FBXO11: variants seen among roughly 807,000 people sequenced by gnomAD.
FBXO11 encodes the protein F-box only protein 11.
A neutral mutation model predicts 117.0 loss-of-function variants in FBXO11; 13 were observed. The observed-to-expected ratio is 0.11, with a 90% CI of 0.07 to 0.18. The LOEUF (loss-of-function observed/expected upper bound fraction) is 0.18. Among genes scored for constraint, FBXO11 ranks in the 10% least tolerant of loss-of-function variants. The pLI is 1.00. For missense variants in FBXO11, 767 were observed against 1,164.4 expected (o/e 0.66, Z 4.97); for synonymous variants, 490 against 380.5 (o/e 1.29, Z -3.35).
rs1389493392 is a variant in FBXO11, at chr2:47,823,386, T to C, written c.1399-26A>G. 3.3e-6 allele frequency: 5 copies of C among 1,510,976 alleles called. No homozygotes were observed. The South Asian group carries it at 3.6e-5, about 11-fold the overall frequency. The allele number at this position is 1,510,976 out of a possible 1,614,324, so 93.6% of individuals were successfully genotyped here. ...CTGAAAAATACAGAAATTAAATCTGTAGGTAAAGCCTACTTTACAAAAAAA... is the reference window on the plus strand; with the variant it reads ...CTGAAAAATACAGAAATTAAATCTGCAGGTAAAGCCTACTTTACAAAAAAA... On this transcript the variant is annotated intron_variant, in intron 11 of 22. Coordinates refer to ENST00000403359, the MANE Select transcript of FBXO11 (RefSeq NM_001190274.2).
At chr2:47,814,017 G>T in intron 16 of FBXO11, 150 bp from the exon 17 acceptor site, 1 of 590,242 alleles carries the variant, frequency 1.7e-6, no homozygotes, top group Non-Finnish European at 3.0e-6. Context: ...GAAGAAAGTG[G>T]TTTAATTTTG....
At chr2:47,836,875 C>A in intron 4 of FBXO11, 1 of 341,740 alleles carries the variant, frequency 2.9e-6, no homozygotes. Context: ...CCTTAACCTC[C>A]CAGGTTCAAG....
chr2:47,886,571 G>C (rs1052428585), intron 1 of FBXO11, among the ~76,000 whole-genome samples: 1 of 151,928 alleles, frequency 6.6e-6, no homozygotes, highest in Admixed American at 6.6e-5. Context: ...ATTTGTATAG[G>C]GTTGTTTGCT....
At chr2:47,857,681 C>G (rs1348859922) in intron 1 of FBXO11, among the ~76,000 whole-genome samples, 1 of 152,118 alleles carries the variant, frequency 6.6e-6, no homozygotes, top group Non-Finnish European at 1.5e-5. Flanking sequence ...GGGACATTAA[C>G]AAATGAGCAA....
rs1172186447 is a variant in FBXO11, at chr2:47,839,018, A to T, written c.443-15T>A. 1 of 1,593,814 alleles carries T rather than the reference A, an allele frequency of 6.3e-7. No homozygotes were observed. The highest frequency in any genetic ancestry group is 8.5e-7 in the Non-Finnish European group (1 of 1,170,104). ...AGCAGGTGCTGCTATAAAGAGATTA[A>T]CATATAAACTATCATTCGAGCAATA... On this transcript the variant is annotated splice_polypyrimidine_tract_variant and intron_variant, in intron 3 of 22. Coordinates refer to ENST00000403359, the MANE Select transcript of FBXO11 (RefSeq NM_001190274.2).
chr2:47,839,792 G>A, intron 1 of FBXO11, 23 bp from the exon 2 acceptor site: 1 of 1,589,106 alleles, frequency 6.3e-7, no homozygotes, highest in Non-Finnish European at 8.5e-7. Context: ...AAAGCAATAA[G>A]AAAAATTATA....
At position 47,903,268 on chromosome 2, in the gene FBXO11, C is replaced by CA. The variant is rs202045660; in HGVS notation, c.232+2220dup. On this transcript the variant is annotated intron_variant, in intron 1 of 22. Transcript: ENST00000403359. Reference sequence around the variant, plus strand: ...CCATTTATGTGCCCTCTTTAAGACTCACACTATTTTCCCTAAAGTTCTTTT... The same window carrying CA: ...CCATTTATGTGCCCTCTTTAAGACTCAACACTATTTTCCCTAAAGTTCTTTT... Among the ~76,000 whole-genome samples the CA allele has an allele frequency of 5.9e-3, 906 of 152,274 alleles. 9 individuals are homozygous for CA. The highest frequency in any genetic ancestry group is 0.021 in the African/African-American group (867 of 41,548).
rs758036833 is a variant in FBXO11 at position 47,889,590 on chromosome 2, C to T, written c.232+15899G>A. Among the ~76,000 whole-genome samples, 19 of 151,540 alleles carry T rather than the reference C, an allele frequency of 1.3e-4. 1 individual carries two copies. Among genetic ancestry groups the T allele is most frequent in the South Asian group, 8.3e-4 (4 of 4,812 alleles). The stretch of plus-strand genomic sequence containing the variant: ...TTTAAAAAAATGGTTATTACTTATT[C>T]CCAAACACATTCTTCTTAGAAATCC... On this transcript the variant is annotated intron_variant, in intron 1 of 22. Transcript: ENST00000403359.
chr2:47,876,850 T>A (rs926347927), intron 1 of FBXO11, among the ~76,000 whole-genome samples: 1 of 152,182 alleles, frequency 6.6e-6, no homozygotes, highest in African/African-American at 2.4e-5. Context: ...TCTACTACTA[T>A]GTCTAATCTC....
intron 13 of FBXO11, 50 bp from the exon 14 acceptor site, chr2:47,820,506 A>T (rs749699804): frequency 7.1e-7 from 1 of 1,417,548 alleles, no homozygotes; most frequent in Non-Finnish European, 9.9e-7. Context: ...CCTAGAGAAT[A>T]CAGTAAGGAT....
At chr2:47,816,324 C>T (rs766028569) in intron 16 of FBXO11, among the ~76,000 whole-genome samples, 5 of 152,086 alleles carry the variant, frequency 3.3e-5, no homozygotes, top group Non-Finnish European at 7.4e-5. Context: ...GGACCACAGG[C>T]GCATGCCACC....
chr2:47,833,738 A>T (rs560625868), intron 7 of FBXO11, among the ~76,000 whole-genome samples: 1 of 152,322 alleles, frequency 6.6e-6, no homozygotes, highest in South Asian at 2.1e-4. Flanking sequence ...TTAAAAACAT[A>T]GCAATAGAAA....
intron 1 of FBXO11, among the ~76,000 whole-genome samples, chr2:47,857,742 A>G (rs977013370): frequency 5.0e-4 from 76 of 152,176 alleles, no homozygotes; most frequent in African/African-American, 1.7e-3. Context: ...TCGAGAAGGA[A>G]GTCTTCAGGA....
At chr2:47,809,494 G>A in intron 20 of FBXO11, 106 bp downstream of exon 20, 1 of 836,744 alleles carries the variant, frequency 1.2e-6, no homozygotes, top group Non-Finnish European at 1.9e-6. Context: ...ATCTTAAACT[G>A]TTGCTAACTT....
At position 47,813,992 on chromosome 2, in the gene FBXO11, T is replaced by TC. The variant is rs1356921416; in HGVS notation, c.2007-126dup. On this transcript the variant is annotated intron_variant, in intron 16 of 22. Transcript: ENST00000403359. ...AGTAAGAATTAACTATACAATGGAG[T>TC]CCAAGATGCCCTGAGAAGAAAGTGG... is the stretch of plus-strand genomic sequence containing the variant. 49 of 685,482 alleles carry TC rather than the reference T, an allele frequency of 7.1e-5. No individual in the cohort carries two copies. In the Middle Eastern group the frequency reaches 1.0e-3, roughly 14 times the overall value. 42.5% of individuals were successfully genotyped at this position (685,482 alleles called of 1,614,324 possible).
chr2:47,821,259 C>G (rs557097058), intron 13 of FBXO11, among the ~76,000 whole-genome samples: 1 of 152,140 alleles, frequency 6.6e-6, no homozygotes, highest in South Asian at 2.1e-4. Context: ...AGGCAGCTCA[C>G]TTGAGGCCAG....
At chr2:47,899,049 C>G (rs1004489805) in intron 1 of FBXO11, among the ~76,000 whole-genome samples, 1 of 151,820 alleles carries the variant, frequency 6.6e-6, no homozygotes, top group South Asian at 2.1e-4. Flanking sequence ...CCGAGGCGGG[C>G]GGATCACGAG....
chr2:47,818,758 G>C (rs1671182389), intron 16 of FBXO11, 21 bp downstream of exon 16: 2 of 1,548,832 alleles, frequency 1.3e-6, no homozygotes, highest in Non-Finnish European at 1.7e-6. Context: ...CCAAAAGATA[G>C]CCAAATATGA....
chr2:47,897,456 G>A (rs1289089461), intron 1 of FBXO11, among the ~76,000 whole-genome samples: 1 of 152,184 alleles, frequency 6.6e-6, no homozygotes, highest in Non-Finnish European at 1.5e-5. Context: ...CAGCATTTTG[G>A]GAGGCTTAGG....
Sources: gnomAD v4.1 joint callset for allele counts (sites outside exome capture counted in the v4.1 genomes callset) on GRCh38, gnomAD v4.1.1 for gene constraint, MANE v1.5 for transcripts, NCBI Gene and HGNC (gene_info 2026-07-23, HGNC 2026-07-21) for gene names.